TCF7L2: variants seen among roughly 807,000 people sequenced by gnomAD.
TCF7L2 encodes the protein transcription factor 7 like 2.
In TCF7L2, 23 loss-of-function variants were observed where a neutral mutation model predicts 77.9. The ratio of observed to expected loss-of-function variants is 0.30; its 90% CI spans 0.21 to 0.42. TCF7L2 has a LOEUF of 0.42. Ranked by LOEUF, TCF7L2 falls within the 10% of genes least tolerant of loss-of-function variation. The pLI, the probability that TCF7L2 is intolerant of heterozygous loss-of-function variation, is 1.00. For missense variants in TCF7L2, 654 were observed against 793.1 expected (o/e 0.82, Z 2.11); for synonymous variants, 413 against 340.2 (o/e 1.21, Z -2.36).
intron 4 of TCF7L2, among the ~76,000 whole-genome samples, chr10:112,996,418 TA>T (rs761909343): frequency 2.1e-4 from 32 of 152,064 alleles, no homozygotes; most frequent in Non-Finnish European, 4.4e-4. Flanking sequence ...CCTAAGATAC[TA>T]AAGGAAATAT....
chr10:113,158,789 TA>T, intron 12 of TCF7L2, 72 bp downstream of exon 13: 1 of 1,476,824 alleles, frequency 6.8e-7, no homozygotes, highest in Non-Finnish European at 9.4e-7. Flanking sequence ...ATTATAGTTT[TA>T]TTAACATTTA....
chr10:113,139,086 T>C (rs2067887754), intron 5 of TCF7L2, among the ~76,000 whole-genome samples: 1 of 152,188 alleles, frequency 6.6e-6, no homozygotes, highest in South Asian at 2.1e-4. Context: ...CTATGGGTGG[T>C]TCTCCCCACT....
At chr10:113,009,751 C>T (rs1483492123) in intron 4 of TCF7L2, among the ~76,000 whole-genome samples, 1 of 152,114 alleles carries the variant, frequency 6.6e-6, no homozygotes, top group East Asian at 1.9e-4. Context: ...AATTCATGTT[C>T]CTTAGAGGAT....
At chr10:113,140,065 G>A (rs1481095773) in intron 5 of TCF7L2, among the ~76,000 whole-genome samples, 1 of 152,114 alleles carries the variant, frequency 6.6e-6, no homozygotes. Context: ...ATCTTCGCTG[G>A]TACCTAATCT....
chr10:113,043,808 C>A (rs2052926651), intron 5 of TCF7L2, among the ~76,000 whole-genome samples: 1 of 152,088 alleles, frequency 6.6e-6, no homozygotes, highest in South Asian at 2.1e-4. Flanking sequence ...GAGTGCCAAG[C>A]AGCTAAGTTG....
intron 5 of TCF7L2, among the ~76,000 whole-genome samples, chr10:113,080,009 C>T (rs1309950142): frequency 1.3e-5 from 2 of 151,890 alleles, no homozygotes; most frequent in Non-Finnish European, 2.9e-5. Context: ...TTGACCCCTG[C>T]ATCTTATGTG....
chr10:113,038,586 A>G (rs887388566), intron 4 of TCF7L2, among the ~76,000 whole-genome samples: 1 of 152,148 alleles, frequency 6.6e-6, no homozygotes, highest in Non-Finnish European at 1.5e-5. Context: ...GATTTGTGCA[A>G]ACCCTTCTTT....
At chr10:113,127,087 T>G (rs916362627) in intron 5 of TCF7L2, 10 of 245,276 alleles carry the variant, frequency 4.1e-5, no homozygotes, top group Non-Finnish European at 6.6e-5. Context: ...TAGATTTATT[T>G]TTTTTAGCCT....
chr10:113,141,746 G>A (rs1430331683), intron 6 of TCF7L2, among the ~76,000 whole-genome samples: 17 of 152,146 alleles, frequency 1.1e-4, no homozygotes, highest in Non-Finnish European at 2.9e-5. Flanking sequence ...TCCAAGCCTC[G>A]GCTCCCTCAC....
intron 4 of TCF7L2, among the ~76,000 whole-genome samples, chr10:113,011,847 T>C (rs1314324338): frequency 6.6e-6 from 1 of 152,082 alleles, no homozygotes; most frequent in South Asian, 2.1e-4. Flanking sequence ...ATTACCACCT[T>C]GAGTTTTGTT....
chr10:113,151,832 C>T lies in TCF7L2; in HGVS notation c.1109C>T (p.Ala370Val), dbSNP rs2137154342. 1 of 1,613,538 alleles carries T rather than the reference C, an allele frequency of 6.2e-7. No homozygotes were observed. Among genetic ancestry groups the T allele is most frequent in the Non-Finnish European group, 8.5e-7 (1 of 1,179,904 alleles). Residue 370 changes from alanine (A) to valine (V), a missense_variant, in exon 10 of 14, where the codon GCT becomes GTT. Physicochemically the swap from Ala to Val is moderately conservative, Grantham distance 64. Transcript: ENST00000627217. This position sits in a 1 kb window ranked among gnomAD's most constrained non-coding sequence, Gnocchi z 5.2. Reference sequence around the variant, plus strand: ...AAGGAAATGAGAGCAAAGGTCGTAGCTGAGTGCACGTTGAAAGAAAGCGCG... The same window carrying T: ...AAGGAAATGAGAGCAAAGGTCGTAGTTGAGTGCACGTTGAAAGAAAGCGCG...
At chr10:113,137,103 G>T (rs1342393613) in intron 5 of TCF7L2, among the ~76,000 whole-genome samples, 2 of 151,920 alleles carry the variant, frequency 1.3e-5, no homozygotes. Context: ...TCTCACAAGA[G>T]ATATTAAAAT....
intron 5 of TCF7L2, among the ~76,000 whole-genome samples, chr10:113,119,855 C>G (rs1039146009): frequency 3.3e-5 from 5 of 152,280 alleles, no homozygotes; most frequent in East Asian, 3.9e-4. Context: ...TCCACTACCC[C>G]CAAGCGGTCT....
At chr10:113,048,620 G>A (rs1007200360) in intron 5 of TCF7L2, among the ~76,000 whole-genome samples, 16 of 152,310 alleles carry the variant, frequency 1.1e-4, no homozygotes, top group African/African-American at 3.8e-4. Flanking sequence ...TGAATGGTTT[G>A]CCAGTAACTT....
intron 4 of TCF7L2, among the ~76,000 whole-genome samples, chr10:112,990,553 AAAATCTAGC>A (rs1170638272): frequency 6.6e-6 from 1 of 151,974 alleles, no homozygotes; most frequent in Non-Finnish European, 1.5e-5. Flanking sequence ...CAAACAAAAC[AAAATCTAGC>A]TGGGCATGGT....
At chr10:112,985,978 C>G (rs1270152514) in intron 4 of TCF7L2, among the ~76,000 whole-genome samples, 1 of 152,000 alleles carries the variant, frequency 6.6e-6, no homozygotes, top group African/African-American at 2.4e-5. Context: ...CAAAGTCACC[C>G]AGAAGCAAAG....
At chr10:113,014,461 G>A (rs145661609) in intron 4 of TCF7L2, among the ~76,000 whole-genome samples, 12 of 152,192 alleles carry the variant, frequency 7.9e-5, no homozygotes, top group African/African-American at 2.9e-4. Flanking sequence ...ATGTCAATGT[G>A]AGAATTCAGG....
Position 112,950,772 on chromosome 10 carries a change from G to A in TCF7L2, c.16G>A (p.Gly6Ser), listed in dbSNP as rs1437908566. ...TGAAAAAAAAATGCCGCAGCTGAAC[G>A]GCGGTGGAGGGGATGACCTAGGCGC... is the stretch of plus-strand genomic sequence containing the variant. The change falls in exon 1 of 14, where the codon GGC (glycine) becomes AGC (serine). Residue 6 changes from glycine (G) to serine (S), a missense_variant. Physicochemically the swap from Gly to Ser is moderately conservative, Grantham distance 56. This residue lies in a region of TCF7L2 where 37 missense variants were observed against 48.1 expected (regional missense o/e 0.77). Coordinates refer to ENST00000627217, the MANE Select transcript of TCF7L2 (RefSeq NM_001146274.2). 1 of 1,575,394 alleles carries A rather than the reference G, an allele frequency of 6.3e-7. No individual in the cohort carries two copies. The highest frequency in any genetic ancestry group is 8.6e-7 in the Non-Finnish European group (1 of 1,159,006).
At chr10:113,070,665 A>G (rs1349376814) in intron 5 of TCF7L2, among the ~76,000 whole-genome samples, 1 of 152,204 alleles carries the variant, frequency 6.6e-6, no homozygotes, top group Non-Finnish European at 1.5e-5. Context: ...GCTTACCTAA[A>G]TATTGCTAAG....
Sources: gnomAD v4.1 joint callset for allele counts (sites outside exome capture counted in the v4.1 genomes callset) on GRCh38, gnomAD v4.1.1 for gene constraint, gnomAD v4.1.1 regional missense constraint, Gnocchi (gnomAD v3.1) non-coding constraint, MANE v1.5 for transcripts, NCBI Gene and HGNC (gene_info 2026-07-23, HGNC 2026-07-21) for gene names.